PCDH9: variants seen among roughly 807,000 people sequenced by gnomAD.
PCDH9 encodes the protein protocadherin 9.
Under a neutral mutation model 70.6 loss-of-function variants are expected in PCDH9, and 24 were observed. The observed-to-expected ratio is 0.34, with a 90% CI of 0.25 to 0.48. The LOEUF (loss-of-function observed/expected upper bound fraction) is 0.48, where lower values mean the gene tolerates loss of function less well. PCDH9 is among the 20% of genes least tolerant of loss of function. PCDH9 has a pLI of 0.99. For missense variants in PCDH9, 1,281 were observed against 1,503.6 expected (o/e 0.85, Z 2.45); for synonymous variants, 562 against 558.5 (o/e 1.01, Z -0.09).
intron 2 of PCDH9, among the ~76,000 whole-genome samples, chr13:67,141,810 G>GTAT (rs2087398787): frequency 1.3e-5 from 2 of 151,726 alleles, no homozygotes; most frequent in South Asian, 4.2e-4. Flanking sequence ...GTATTATACA[G>GTAT]GGTAACCATA....
chr13:66,783,865 T>C (rs1040508585), intron 3 of PCDH9, among the ~76,000 whole-genome samples: 13 of 152,288 alleles, frequency 8.5e-5, no homozygotes, highest in Admixed American at 7.9e-4. Flanking sequence ...TCAAACTGTA[T>C]ACAAAGTCAC....
intron 4 of PCDH9, among the ~76,000 whole-genome samples, chr13:66,551,148 G>A (rs1961469077): frequency 6.6e-6 from 1 of 152,032 alleles, no homozygotes; most frequent in Admixed American, 6.6e-5. Flanking sequence ...TGCTGTTATT[G>A]TTGGCTAAGA....
chr13:66,963,825 A>G (rs1490027527), intron 2 of PCDH9, among the ~76,000 whole-genome samples: 3 of 152,284 alleles, frequency 2.0e-5, no homozygotes, highest in East Asian at 3.9e-4. Context: ...AAAGCAGAGA[A>G]ACTTGTTTGT....
intron 3 of PCDH9, among the ~76,000 whole-genome samples, chr13:66,659,887 C>G (rs2077985385): frequency 1.3e-5 from 2 of 152,150 alleles, no homozygotes; most frequent in South Asian, 4.1e-4. Flanking sequence ...AACAAGTTAA[C>G]AGCAGAGTCA....
Position 67,032,984 on chromosome 13 carries a change from C to CT in PCDH9, c.3037-129380dup, listed in dbSNP as rs11362830. Among the ~76,000 whole-genome samples, 19 of 149,886 alleles carry CT rather than the reference C, an allele frequency of 1.3e-4. 2 individuals carry two copies. Among genetic ancestry groups the CT allele is most frequent in the South Asian group, 4.2e-4 (2 of 4,712 alleles). ...TTGTTAAATTTTCTTCTAATTTGTC[C>CT]TTTTTTTTTTCTTACTTATGTGATG... On this transcript the variant is annotated intron_variant, in intron 2 of 4. Transcript: ENST00000377865.
At chr13:66,340,984 A>AAAG (rs1394402945) in intron 4 of PCDH9, among the ~76,000 whole-genome samples, 1 of 152,192 alleles carries the variant, frequency 6.6e-6, no homozygotes. Flanking sequence ...CCCTTACATA[A>AAAG]AAGTCAGACA....
chr13:66,902,923 G>T (rs1251918162), intron 3 of PCDH9, among the ~76,000 whole-genome samples: 1 of 151,374 alleles, frequency 6.6e-6, no homozygotes, highest in Admixed American at 6.6e-5. Context: ...GAACAACTAT[G>T]GATCTTCTAC....
At chr13:66,815,952 T>C (rs2080598134) in intron 3 of PCDH9, among the ~76,000 whole-genome samples, 1 of 152,174 alleles carries the variant, frequency 6.6e-6, no homozygotes, top group Non-Finnish European at 1.5e-5. Context: ...ATGCACTAGA[T>C]CTATAAATTG....
At chr13:67,018,334 G>C (rs2084603871) in intron 2 of PCDH9, among the ~76,000 whole-genome samples, 1 of 151,910 alleles carries the variant, frequency 6.6e-6, no homozygotes, top group Non-Finnish European at 1.5e-5. Flanking sequence ...TATGACTTAA[G>C]ATACAGCCAG....
chr13:66,752,990 G>C (rs371094507), intron 3 of PCDH9, among the ~76,000 whole-genome samples: 2 of 152,188 alleles, frequency 1.3e-5, no homozygotes, highest in East Asian at 1.9e-4. Context: ...GGCAATTGGA[G>C]CCAGAGAGTG....
chr13:66,946,253 T>A (rs1385085366), intron 2 of PCDH9, among the ~76,000 whole-genome samples: 1 of 152,152 alleles, frequency 6.6e-6, no homozygotes, highest in Non-Finnish European at 1.5e-5. Context: ...GTTGAGCAGC[T>A]GAGAACAAAT....
intron 3 of PCDH9, among the ~76,000 whole-genome samples, chr13:66,854,056 A>G (rs777863646): frequency 6.6e-6 from 1 of 152,228 alleles, no homozygotes; most frequent in Non-Finnish European, 1.5e-5. Flanking sequence ...TCAAAGAAGC[A>G]CTAAAATGTA....
At chr13:66,577,591 T>G (rs2076832991) in intron 4 of PCDH9, among the ~76,000 whole-genome samples, 2 of 151,986 alleles carry the variant, frequency 1.3e-5, no homozygotes, top group South Asian at 4.2e-4. Context: ...ATAGGATAGA[T>G]AGTTCATATC....
chr13:66,493,516 T>A (rs562087787), intron 4 of PCDH9, among the ~76,000 whole-genome samples: 2 of 152,260 alleles, frequency 1.3e-5, no homozygotes, highest in African/African-American at 4.8e-5. Flanking sequence ...CACGGTAATT[T>A]AATTGGCTAC....
At chr13:67,168,107 C>A (rs1358834208) in intron 2 of PCDH9, among the ~76,000 whole-genome samples, 1 of 152,190 alleles carries the variant, frequency 6.6e-6, no homozygotes, top group Non-Finnish European at 1.5e-5. Context: ...ACATTGTAGA[C>A]AACTTCTCCA....
At chr13:66,776,183 T>C (rs6562475) in intron 3 of PCDH9, among the ~76,000 whole-genome samples, 1 of 151,356 alleles carries the variant, frequency 6.6e-6, no homozygotes, top group Non-Finnish European at 1.5e-5. Context: ...TACTGAATGG[T>C]CAAAAACTGG....
At chr13:66,324,945 T>G (rs896965782) in intron 4 of PCDH9, among the ~76,000 whole-genome samples, 5 of 151,946 alleles carry the variant, frequency 3.3e-5, no homozygotes, top group African/African-American at 1.2e-4. Context: ...CTGTCATCTC[T>G]CACTTCAATT....
intron 4 of PCDH9, among the ~76,000 whole-genome samples, chr13:66,503,365 GTTTGA>G (rs138069068): frequency 0.032 from 4,938 of 152,202 alleles, 233 homozygotes; most frequent in African/African-American, 0.11. Flanking sequence ...CTGGGAGACT[GTTTGA>G]TTTAGTAGAT....
intron 3 of PCDH9, among the ~76,000 whole-genome samples, chr13:66,779,873 A>ATATATATATGTGTGTG (rs375882917): frequency 7.8e-5 from 9 of 115,842 alleles, no homozygotes; most frequent in African/African-American, 1.0e-4. Context: ...ATATACATAT[A>ATATATATATGTGTGTG]TGTGTGTGTG....
Sources: gnomAD v4.1 joint callset for allele counts (sites outside exome capture counted in the v4.1 genomes callset) on GRCh38, gnomAD v4.1.1 for gene constraint, MANE v1.5 for transcripts, NCBI Gene and HGNC (gene_info 2026-07-23, HGNC 2026-07-21) for gene names.